Variants in ADGRL2 observed in about 807,000 individuals in gnomAD.
ADGRL2 encodes calcium-independent alpha-latrotoxin receptor 2.
Under a neutral mutation model 157.4 loss-of-function variants are expected in ADGRL2, and 44 were observed. The observed-to-expected ratio is 0.28, with a 90% CI of 0.22 to 0.36. The LOEUF is 0.36. ADGRL2 is among the 10% of genes least tolerant of loss of function. The pLI is 1.00. For missense variants in ADGRL2, 1,510 were observed against 1,768.9 expected (o/e 0.85, Z 2.63); for synonymous variants, 585 against 624.7 (o/e 0.94, Z 0.95).
intron 1 of ADGRL2, among the ~76,000 whole-genome samples, chr1:81,310,153 C>A (rs1659645219): frequency 3.3e-5 from 5 of 152,120 alleles, no homozygotes. Context: ...AGTAGCAATG[C>A]ATGTTTAAAC....
At chr1:81,863,982 T>C (rs1254950203) in intron 2 of ADGRL2, among the ~76,000 whole-genome samples, 1 of 152,180 alleles carries the variant, frequency 6.6e-6, no homozygotes, top group Non-Finnish European at 1.5e-5. Flanking sequence ...TTTTCTGATA[T>C]TAAGTGGTAA....
At chr1:81,554,956 G>A (rs577026222) in intron 2 of ADGRL2, among the ~76,000 whole-genome samples, 10 of 152,104 alleles carry the variant, frequency 6.6e-5, no homozygotes, top group Admixed American at 3.3e-4. Flanking sequence ...AGCCTTCAAG[G>A]GAGAACCAAG....
chr1:81,846,929 G>T (rs980590623), intron 2 of ADGRL2, among the ~76,000 whole-genome samples: 2 of 151,780 alleles, frequency 1.3e-5, no homozygotes, highest in Non-Finnish European at 2.9e-5. Context: ...TAAGTAAAGT[G>T]AAGGAGACAG....
At chr1:81,325,822 C>T (rs1278318809) in intron 1 of ADGRL2, among the ~76,000 whole-genome samples, 1 of 152,152 alleles carries the variant, frequency 6.6e-6, no homozygotes, top group Non-Finnish European at 1.5e-5. Context: ...CAGTTGTCAT[C>T]CCTGCTCAAC....
At chr1:81,497,245 A>G (rs2078750003) in intron 2 of ADGRL2, among the ~76,000 whole-genome samples, 1 of 152,174 alleles carries the variant, frequency 6.6e-6, no homozygotes, top group Non-Finnish European at 1.5e-5. Context: ...TTGGTTCCCC[A>G]TTTCCTTTCA....
At chr1:81,493,303 C>G (rs2078670766) in intron 2 of ADGRL2, among the ~76,000 whole-genome samples, 1 of 152,208 alleles carries the variant, frequency 6.6e-6, no homozygotes, top group African/African-American at 2.4e-5. Context: ...GTGTATAACT[C>G]TAGCTAAAAG....
intron 1 of ADGRL2, among the ~76,000 whole-genome samples, chr1:81,308,275 T>G (rs1201795339): frequency 6.6e-6 from 1 of 152,182 alleles, no homozygotes; most frequent in Non-Finnish European, 1.5e-5. Context: ...CGTGAATATC[T>G]TCTTCACAGA....
At chr1:81,438,756 T>A (rs1404623139) in intron 1 of ADGRL2, among the ~76,000 whole-genome samples, 1 of 152,192 alleles carries the variant, frequency 6.6e-6, no homozygotes, top group Non-Finnish European at 1.5e-5. Context: ...TTGGGCAGTT[T>A]AAACTCTCTG....
chr1:81,815,590 T>C (rs2090318504), intron 1 of ADGRL2, among the ~76,000 whole-genome samples: 1 of 151,938 alleles, frequency 6.6e-6, no homozygotes, highest in African/African-American at 2.4e-5. Flanking sequence ...TCAGAGTCTT[T>C]ATTAGTATTA....
rs115855639 is a variant in ADGRL2 at position 81,722,301 on chromosome 1, A to G, written c.-143+22493A>G. 7.1e-6 allele frequency: 4 copies of G among 562,522 alleles called. No homozygotes were observed. In the African/African-American group the frequency reaches 7.6e-5, roughly 11 times the overall value. The allele number at this position is 562,522 out of a possible 1,614,324, so 34.8% of individuals were successfully genotyped here. A position where few individuals can be genotyped will look rare whatever the true frequency, so the allele number is the denominator to read the frequency against. On this transcript the variant is annotated intron_variant, in intron 1 of 20. Coordinates refer to the ADGRL2 transcript ENST00000359929. The stretch of plus-strand genomic sequence containing the variant: ...GAGCGAGACTCCGTCTAAAAAAAAA[A>G]GAAAATGCAGAGATAACAGAGGAGA...
At chr1:81,721,606 A>T (rs1173423231) in intron 1 of ADGRL2, 1 of 572,540 alleles carries the variant, frequency 1.7e-6, no homozygotes, top group African/African-American at 1.9e-5. Flanking sequence ...AAAAATACAA[A>T]AATTGCTTCT....
At chr1:81,955,767 G>A in intron 10 of ADGRL2, 110 bp from the exon 11 acceptor site, 2 of 656,178 alleles carry the variant, frequency 3.0e-6, no homozygotes. Context: ...CTTGAAGTAA[G>A]AGTAAATCAT....
intron 2 of ADGRL2, among the ~76,000 whole-genome samples, chr1:81,494,313 A>G (rs1401131953): frequency 6.6e-6 from 1 of 152,004 alleles, no homozygotes; most frequent in Non-Finnish European, 1.5e-5. Context: ...TCTGGTCTAT[A>G]CTCGTCATTT....
At chr1:81,785,282 G>A (rs1464660752) in intron 2 of ADGRL2, among the ~76,000 whole-genome samples, 7 of 152,112 alleles carry the variant, frequency 4.6e-5, no homozygotes, top group South Asian at 4.1e-4. Flanking sequence ...ATTCAAAGAC[G>A]TATAAAACTG....
At chr1:81,321,690 G>T (rs1331702882) in intron 1 of ADGRL2, among the ~76,000 whole-genome samples, 1 of 152,058 alleles carries the variant, frequency 6.6e-6, no homozygotes, top group Non-Finnish European at 1.5e-5. Context: ...GTGGCTCATG[G>T]TGTTCCTGAA....
At chr1:81,926,308 G>A (rs2095105186) in intron 3 of ADGRL2, among the ~76,000 whole-genome samples, 1 of 151,818 alleles carries the variant, frequency 6.6e-6, no homozygotes, top group African/African-American at 2.4e-5. Context: ...CTCACAATTC[G>A]AAGAAAAATA....
At chr1:81,811,268 T>C (rs1053755709) in intron 1 of ADGRL2, among the ~76,000 whole-genome samples, 4 of 151,876 alleles carry the variant, frequency 2.6e-5, no homozygotes, top group Admixed American at 2.6e-4. Context: ...GCATATCTTA[T>C]AATTTTCCTT....
intron 16 of ADGRL2, among the ~76,000 whole-genome samples, chr1:81,971,374 T>C (rs1658688073): frequency 6.6e-6 from 1 of 152,328 alleles, no homozygotes; most frequent in Middle Eastern, 3.4e-3. Context: ...GGAGGTATTA[T>C]ATTTCTGCTA....
intron 2 of ADGRL2, among the ~76,000 whole-genome samples, chr1:81,449,952 T>C (rs2077675141): frequency 6.6e-6 from 1 of 152,120 alleles, no homozygotes; most frequent in Non-Finnish European, 1.5e-5. Flanking sequence ...AGTAACCCCA[T>C]TTCTCTGAAT....
Sources: allele counts gnomAD v4.1 joint callset (sites outside exome capture counted in the v4.1 genomes callset), GRCh38; gene constraint gnomAD v4.1.1; transcripts MANE v1.5; gene names NCBI Gene and HGNC (gene_info 2026-07-23, HGNC 2026-07-21).